The following TPH1 variants were observed in gnomAD, a reference collection of about 807,000 sequenced individuals.
TPH1 encodes tryptophan hydroxylase 1.
A neutral mutation model predicts 49.5 loss-of-function variants in TPH1; 37 were observed. The observed-to-expected ratio is 0.75, with a 90% CI of 0.58 to 0.98. The LOEUF (loss-of-function observed/expected upper bound fraction) is 0.98. TPH1 is among the 50% of genes least tolerant of loss of function. The pLI is 0.00. For missense variants in TPH1, 487 were observed against 523.6 expected (o/e 0.93, Z 0.68); for synonymous variants, 160 against 182.1 (o/e 0.88, Z 0.98).
rs530585185 is a variant in TPH1, at chr11:18,024,062, C to A, written c.931-79G>T. 161 of 1,089,994 alleles carry A rather than the reference C, an allele frequency of 1.5e-4. 2 individuals are homozygous for A. The East Asian group carries it at 2.7e-3, about 18-fold the overall frequency. The allele number at this position is 1,089,994 out of a possible 1,614,324, so 67.5% of individuals were successfully genotyped here. On this transcript the variant is annotated intron_variant, in intron 8 of 10. Coordinates refer to ENST00000682019, the MANE Select transcript of TPH1 (RefSeq NM_004179.3). ...AAATTACAATTCTTAGTCACTGACC[C>A]AAAATACCCTAGAATAAAGTCCAAA...
intron 1 of TPH1, among the ~76,000 whole-genome samples, chr11:18,043,332 C>A (rs933528415): frequency 6.6e-6 from 1 of 152,192 alleles, no homozygotes; most frequent in Non-Finnish European, 1.5e-5. Context: ...AGGCCAGCTG[C>A]TGCGGCTCAT....
At chr11:18,024,777 T>G (rs1294175309) in intron 8 of TPH1, among the ~76,000 whole-genome samples, 1 of 152,170 alleles carries the variant, frequency 6.6e-6, no homozygotes, top group Admixed American at 6.5e-5. Flanking sequence ...AACCACAGTT[T>G]TAGAAGCACT....
rs1430011586 is a variant in TPH1, at chr11:18,029,488, C to T, written c.470+24G>A. The stretch of plus-strand genomic sequence containing the variant: ...ACTTATTTTATTATCTCAAAGTTGA[C>T]TATATTTTTTTAAATATACTTACTG... On this transcript the variant is annotated intron_variant, in intron 5 of 10. Coordinates refer to ENST00000682019, the MANE Select transcript of TPH1 (RefSeq NM_004179.3). 3.8e-6 allele frequency: 6 copies of T among 1,586,678 alleles called. No homozygotes were observed. In the East Asian group the frequency reaches 1.3e-4, roughly 35 times the overall value.
intron 1 of TPH1, among the ~76,000 whole-genome samples, chr11:18,043,193 A>G (rs2134036593): frequency 6.6e-6 from 1 of 152,360 alleles, no homozygotes; most frequent in African/African-American, 2.4e-5. Flanking sequence ...ATCAGAGAAC[A>G]GTAAAGAAAA....
chr11:18,044,774 AC>A (rs1554899871), intron 1 of TPH1, among the ~76,000 whole-genome samples: 38 of 55,700 alleles, frequency 6.8e-4, no homozygotes, highest in South Asian at 3.3e-3. Context: ...ACAAAACAAA[AC>A]AAAAAAACAC....
chr11:18,029,558 G>A lies in TPH1; in HGVS notation c.424C>T (p.Arg142Cys), dbSNP rs145479597. 1,214 of 1,612,696 alleles carry A rather than the reference G, an allele frequency of 7.5e-4. No homozygotes were observed. Among genetic ancestry groups the A allele is most frequent in the Non-Finnish European group, 9.1e-4 (1,074 of 1,179,278 alleles). The change falls in exon 5 of 11, where the codon CGT (arginine) becomes TGT (cysteine). Residue 142 changes from arginine (R) to cysteine (C), a missense_variant. Arg to Cys is a radical substitution (Grantham distance 180, BLOSUM62 -3). Coordinates refer to ENST00000682019, the MANE Select transcript of TPH1 (RefSeq NM_004179.3). The part of the protein sequence containing the change: ...DHPGFKDNVY[R>C]KRRKYFADLA... ...TCCGCAAAATACTTTCGACGTTTACGGTAGACATTGTCTTTGAAGCCCTGA... is the reference window on the plus strand; with the variant it reads ...TCCGCAAAATACTTTCGACGTTTACAGTAGACATTGTCTTTGAAGCCCTGA...
Position 18,026,396 on chromosome 11 carries a change from A to G in TPH1, c.803+94T>C. On this transcript the variant is annotated intron_variant, in intron 7 of 10. Transcript: ENST00000682019. ...AATTTATTTAATCCTCGCACACCAAAAAAAAAAAAAAAAAAAAAAAAGAAC... is the reference window on the plus strand; with the variant it reads ...AATTTATTTAATCCTCGCACACCAAGAAAAAAAAAAAAAAAAAAAAAGAAC... 7.1e-5 allele frequency: 31 copies of G among 439,506 alleles called. No homozygotes were observed. The East Asian group carries it at 2.7e-3, about 38-fold the overall frequency. 27.2% of individuals were successfully genotyped at this position (439,506 alleles called of 1,614,324 possible).
intron 10 of TPH1, 50 bp downstream of exon 10, chr11:18,022,748 G>T (rs765265270): frequency 6.2e-7 from 1 of 1,603,412 alleles, no homozygotes; most frequent in South Asian, 1.1e-5. Context: ...ACCATAATGG[G>T]GCTGATCTTT....
chr11:18,029,666 C>G (rs1250989048), intron 4 of TPH1, 87 bp from the exon 5 acceptor site: 24 of 1,068,894 alleles, frequency 2.2e-5, no homozygotes, highest in Non-Finnish European at 3.3e-5. Flanking sequence ...ATTACTAGAG[C>G]TATTATATTA....
chr11:18,019,925 A>G lies in TPH1; in HGVS notation c.*1066T>C, dbSNP rs975949125. On this transcript the variant is annotated 3_prime_UTR_variant, in exon 11 of 11. Transcript: ENST00000682019. The stretch of plus-strand genomic sequence containing the variant: ...AACCACTCTTCTTGACCTTTCTGAC[A>G]TTCTATTTCCTCCCCTTTTCTGCAG... 2.8e-6 allele frequency: 1 copy of G among 356,036 alleles called. No individual in the cohort carries two copies. The highest frequency in any genetic ancestry group is 2.1e-5 in the African/African-American group (1 of 46,602). 22.1% of individuals were successfully genotyped at this position (356,036 alleles called of 1,614,324 possible). A position where few individuals can be genotyped will look rare whatever the true frequency, so the allele number is the denominator to read the frequency against.
At chr11:18,023,832 G>T (rs1460294600) in intron 9 of TPH1, 56 bp downstream of exon 9, 2 of 1,407,884 alleles carry the variant, frequency 1.4e-6, no homozygotes, top group Non-Finnish European at 2.0e-6. Context: ...ACTATTTCAG[G>T]TTTTATCAAT....
At chr11:18,029,095 A>C (rs923099085) in intron 6 of TPH1, 70 bp downstream of exon 6, 4 of 1,057,270 alleles carry the variant, frequency 3.8e-6, no homozygotes, top group African/African-American at 3.2e-5. Context: ...AAAAAAAAAA[A>C]AAAAAAAATG....
chr11:18,027,799 C>A (rs1847944719), intron 6 of TPH1, among the ~76,000 whole-genome samples: 1 of 152,198 alleles, frequency 6.6e-6, no homozygotes, highest in African/African-American at 2.4e-5. Context: ...TCTCTATCAT[C>A]CTTAATCACT....
At chr11:18,029,384 T>G in intron 5 of TPH1, 23 bp from the exon 6 acceptor site, 1 of 1,605,014 alleles carries the variant, frequency 6.2e-7, no homozygotes, top group Non-Finnish European at 8.5e-7. Flanking sequence ...AGGGAAGGAG[T>G]TGTTTTGAAT....
rs2134031130 is a variant in TPH1 at position 18,033,787 on chromosome 11, GTCTTTGCCACCTTGA to G, written c.302-428_302-414del. ...ATGGAAAAGATCTTAGAAATCATTT[GTCTTTGCCACCTTGA>G]TCTTCTCACCATTCCTCAGACACGC... On this transcript the variant is annotated intron_variant, in intron 3 of 10. Transcript: ENST00000682019. 1.3e-5 allele frequency among the ~76,000 whole-genome samples: 2 copies of G among 152,256 alleles called. 1 individual carries two copies. The highest frequency in any genetic ancestry group is 4.1e-4 in the South Asian group (2 of 4,828).
At chr11:18,038,022 A>G (rs1366975642) in intron 2 of TPH1, among the ~76,000 whole-genome samples, 1 of 152,210 alleles carries the variant, frequency 6.6e-6, no homozygotes, top group East Asian at 1.9e-4. Context: ...AATAATAAAG[A>G]CACTAAAGAT....
intron 8 of TPH1, 65 bp downstream of exon 8, chr11:18,025,510 T>C: frequency 6.2e-7 from 1 of 1,607,984 alleles, no homozygotes; most frequent in Non-Finnish European, 8.5e-7. Context: ...ATATGTACTT[T>C]TAAACTACAC....
intron 9 of TPH1, 134 bp from the exon 10 acceptor site, chr11:18,023,065 A>G (rs988813553): frequency 2.0e-6 from 2 of 1,000,126 alleles, no homozygotes; most frequent in Non-Finnish European, 3.0e-6. Context: ...CTTATTTCCT[A>G]TAGCTCTATT....
At chr11:18,021,934 G>C (rs889076515) in intron 10 of TPH1, among the ~76,000 whole-genome samples, 1 of 152,094 alleles carries the variant, frequency 6.6e-6, no homozygotes, top group Non-Finnish European at 1.5e-5. Context: ...CTACAGAGGG[G>C]ACCCCCTTTT....
Sources: allele counts gnomAD v4.1 joint callset (sites outside exome capture counted in the v4.1 genomes callset), GRCh38; gene constraint gnomAD v4.1.1; transcripts MANE v1.5; gene names NCBI Gene and HGNC (gene_info 2026-07-23, HGNC 2026-07-21).